Variants in MIR2052HG observed in about 807,000 individuals in gnomAD.
The protein encoded by MIR2052HG is MIR2052 host gene.
intron 1 of MIR2052HG, among the ~76,000 whole-genome samples, chr8:74,602,873 C>CTTTCTTTCTTTCTTTCTTTCTTTCTT (rs940052573): frequency 7.2e-6 from 1 of 138,694 alleles, no homozygotes; most frequent in African/African-American, 2.7e-5. Context: ...TTCTTTCTTT[C>CTTTCTTTCTTTCTTTCTTTCTTTCTT]TTTTTTCTAT....
intron 2 of MIR2052HG, among the ~76,000 whole-genome samples, chr8:74,679,070 G>A (rs1809088085): frequency 6.6e-6 from 1 of 152,084 alleles, no homozygotes; most frequent in South Asian, 2.1e-4. Flanking sequence ...TACCAATGAT[G>A]GATGTCAAAT....
At chr8:74,721,296 A>G (rs1415232672) in intron 4 of MIR2052HG, among the ~76,000 whole-genome samples, 1 of 152,226 alleles carries the variant, frequency 6.6e-6, no homozygotes, top group Non-Finnish European at 1.5e-5. Context: ...AAGGAAAGCT[A>G]TATAAAGTAG....
chr8:74,677,737 A>G (rs1809070261), intron 2 of MIR2052HG, among the ~76,000 whole-genome samples: 2 of 152,146 alleles, frequency 1.3e-5, no homozygotes, highest in African/African-American at 4.8e-5. Flanking sequence ...CAGTATTTGA[A>G]AAGAAGGCAA....
chr8:74,608,198 C>T (rs115793067), intron 1 of MIR2052HG, among the ~76,000 whole-genome samples: 2,893 of 151,344 alleles, frequency 0.019, 79 homozygotes, highest in African/African-American at 0.062. Context: ...GAGTTCTGCT[C>T]TAGAGCTTCT....
At chr8:74,715,121 A>T (rs1326781563) in intron 4 of MIR2052HG, among the ~76,000 whole-genome samples, 2 of 152,204 alleles carry the variant, frequency 1.3e-5, no homozygotes, top group East Asian at 3.8e-4. Context: ...GAATATTTCT[A>T]TTACTATTAG....
chr8:74,662,821 GCA>G (rs1473133557), intron 2 of MIR2052HG, among the ~76,000 whole-genome samples: 1 of 150,992 alleles, frequency 6.6e-6, no homozygotes, highest in East Asian at 2.0e-4. Flanking sequence ...AAATGAGAAG[GCA>G]CTGAAAATAC....
intron 2 of MIR2052HG, among the ~76,000 whole-genome samples, chr8:74,681,086 A>G (rs1428828387): frequency 5.1e-5 from 6 of 116,944 alleles, no homozygotes; most frequent in African/African-American, 1.6e-4. Context: ...GGGGGGAGGG[A>G]TAGCATTGGG....
chr8:74,713,530 GT>G (rs1225920636), intron 4 of MIR2052HG, among the ~76,000 whole-genome samples: 1 of 149,892 alleles, frequency 6.7e-6, no homozygotes, highest in Non-Finnish European at 1.5e-5. Flanking sequence ...CTTTTCATTT[GT>G]GATTCCTTAA....
At chr8:74,700,195 T>C (rs1809344804) in intron 2 of MIR2052HG, among the ~76,000 whole-genome samples, 1 of 152,190 alleles carries the variant, frequency 6.6e-6, no homozygotes, top group African/African-American at 2.4e-5. Context: ...TGCTGTGCTG[T>C]GTATATGTAT....
chr8:74,661,352 G>C (rs114365288), intron 2 of MIR2052HG, among the ~76,000 whole-genome samples: 2,334 of 152,070 alleles, frequency 0.015, 56 homozygotes, highest in African/African-American at 0.049. Context: ...AGAGGCACAT[G>C]CTACCAGACT....
At chr8:74,720,075 C>T (rs1809560363) in intron 4 of MIR2052HG, among the ~76,000 whole-genome samples, 1 of 152,114 alleles carries the variant, frequency 6.6e-6, no homozygotes, top group Non-Finnish European at 1.5e-5. Context: ...AGGTCTTGAT[C>T]TCCTGACCTC....
intron 1 of MIR2052HG, among the ~76,000 whole-genome samples, chr8:74,603,091 C>A (rs1808048028): frequency 3.4e-5 from 5 of 146,450 alleles, no homozygotes; most frequent in Non-Finnish European, 1.5e-5. Flanking sequence ...AAATATGGAT[C>A]TCAGCACCAA....
chr8:74,680,699 C>G (rs1563530481), intron 2 of MIR2052HG, among the ~76,000 whole-genome samples: 2 of 152,140 alleles, frequency 1.3e-5, no homozygotes, highest in Non-Finnish European at 2.9e-5. Context: ...TTGATCCAGC[C>G]ATCCCATTAC....
intron 2 of MIR2052HG, among the ~76,000 whole-genome samples, chr8:74,660,715 A>G (rs983802437): frequency 5.3e-5 from 8 of 152,160 alleles, no homozygotes; most frequent in African/African-American, 1.9e-4. Flanking sequence ...AACATCATCA[A>G]TTACATGAGC....
chr8:74,652,050 C>A (rs971054215), intron 2 of MIR2052HG, among the ~76,000 whole-genome samples: 17 of 152,166 alleles, frequency 1.1e-4, no homozygotes, highest in African/African-American at 4.1e-4. Context: ...ATTTGAGGAA[C>A]AGGCTGGTAT....
At chr8:74,620,744 G>A (rs560534769) in intron 2 of MIR2052HG, among the ~76,000 whole-genome samples, 20 of 152,312 alleles carry the variant, frequency 1.3e-4, no homozygotes, top group African/African-American at 4.8e-4. Flanking sequence ...TAGGCCTCCT[G>A]GCCTGTGATG....
intron 2 of MIR2052HG, among the ~76,000 whole-genome samples, chr8:74,701,466 C>A (rs1809357155): frequency 6.6e-6 from 1 of 151,978 alleles, no homozygotes; most frequent in Non-Finnish European, 1.5e-5. Flanking sequence ...GCAGTCAGGG[C>A]TTGGACATAT....
At chr8:74,694,702 A>G (rs1006130293) in intron 2 of MIR2052HG, among the ~76,000 whole-genome samples, 2 of 152,222 alleles carry the variant, frequency 1.3e-5, no homozygotes, top group African/African-American at 4.8e-5. Flanking sequence ...TATACACTGG[A>G]AAGTCTCAAC....
intron 3 of MIR2052HG, chr8:74,702,552 A>C (rs556058961): frequency 4.3e-6 from 1 of 230,440 alleles, no homozygotes; most frequent in Admixed American, 4.3e-5. Flanking sequence ...CCAGATTCAA[A>C]GCTTTAAGCC....
Sources: allele counts gnomAD v4.1 joint callset (sites outside exome capture counted in the v4.1 genomes callset), GRCh38; gene constraint gnomAD v4.1.1; transcripts MANE v1.5; gene names NCBI Gene and HGNC (gene_info 2026-07-23, HGNC 2026-07-21).